Variants in PHTF2 observed in about 807,000 individuals in gnomAD.
PHTF2 encodes the protein protein PHTF2.
A neutral mutation model predicts 101.2 loss-of-function variants in PHTF2; 60 were observed. The ratio of observed to expected loss-of-function variants is 0.59; its 90% CI spans 0.48 to 0.73. The LOEUF is 0.73. Among genes scored for constraint, PHTF2 ranks in the 30% least tolerant of loss-of-function variants. PHTF2 has a pLI of 0.00. For missense variants in PHTF2, 747 were observed against 908.7 expected, an observed-to-expected ratio of 0.82 and a Z score of 2.29; for synonymous variants, 311 against 307.3, an observed-to-expected ratio of 1.01 and a Z score of -0.13.
intron 15 of PHTF2, 69 bp downstream of exon 14, chr7:77,940,728 A>T: frequency 1.8e-6 from 2 of 1,118,666 alleles, no homozygotes; most frequent in Non-Finnish European, 1.3e-6. Context: ...TTCTTTATCA[A>T]TATATATTTG....
At chr7:77,849,847 A>G (rs1378919097) in intron 2 of PHTF2, among the ~76,000 whole-genome samples, 1 of 152,102 alleles carries the variant, frequency 6.6e-6, no homozygotes, top group African/African-American at 2.4e-5. Flanking sequence ...TGATTTTTTT[A>G]TGTTGATTGC....
chr7:77,910,599 A>G (rs911332570), intron 9 of PHTF2, among the ~76,000 whole-genome samples, 190 bp downstream of exon 8: 3 of 152,224 alleles, frequency 2.0e-5, no homozygotes, highest in Non-Finnish European at 2.9e-5. Context: ...TCATGTGTAC[A>G]TACATCTATA....
At chr7:77,943,448 T>A (rs1442472995) in intron 16 of PHTF2, among the ~76,000 whole-genome samples, 2 of 152,068 alleles carry the variant, frequency 1.3e-5, no homozygotes, top group African/African-American at 2.4e-5. Flanking sequence ...TTTTTATACC[T>A]GAATTGTTAC....
chr7:77,806,457 T>G (rs921373898), intron 1 of PHTF2, among the ~76,000 whole-genome samples: 1 of 152,218 alleles, frequency 6.6e-6, no homozygotes, highest in East Asian at 1.9e-4. Flanking sequence ...CTCTGAAATC[T>G]ACTTTGTATA....
At chr7:77,935,307 C>G (rs1016446328) in intron 12 of PHTF2, among the ~76,000 whole-genome samples, 12 of 138,166 alleles carry the variant, frequency 8.7e-5, no homozygotes, top group African/African-American at 3.1e-4. Context: ...ACTTCAAGCT[C>G]TGCCTCCCGG....
At chr7:77,913,549 G>A (rs1802612480) in intron 9 of PHTF2, among the ~76,000 whole-genome samples, 1 of 151,984 alleles carries the variant, frequency 6.6e-6, no homozygotes, top group Non-Finnish European at 1.5e-5. Context: ...ACTTACTTCA[G>A]AAGTCACATG....
chr7:77,895,683 T>C (rs1484749300), intron 5 of PHTF2, among the ~76,000 whole-genome samples: 2 of 152,154 alleles, frequency 1.3e-5, no homozygotes, highest in African/African-American at 4.8e-5. Context: ...AACCTCCTCT[T>C]TTTTAAAAGA....
chr7:77,899,002 A>G (rs757312352), intron 5 of PHTF2, among the ~76,000 whole-genome samples: 6 of 152,050 alleles, frequency 3.9e-5, no homozygotes, highest in Non-Finnish European at 5.9e-5. Flanking sequence ...GGGTTTCACC[A>G]TGTTGGCCAG....
intron 1 of PHTF2, among the ~76,000 whole-genome samples, chr7:77,827,946 A>G (rs1475553801): frequency 1.3e-5 from 2 of 152,138 alleles, no homozygotes; most frequent in Non-Finnish European, 2.9e-5. Flanking sequence ...GCCCAGCCTC[A>G]ATAGTATTTT....
intron 9 of PHTF2, among the ~76,000 whole-genome samples, chr7:77,919,631 CT>C (rs1289998241): frequency 6.6e-6 from 1 of 151,972 alleles, no homozygotes; most frequent in Non-Finnish European, 1.5e-5. Flanking sequence ...AAAATTTATT[CT>C]TATAAATTCC....
At chr7:77,954,903 C>T (rs747482924) in exon 20 of PHTF2, 1 of 1,381,510 alleles carries the variant, frequency 7.2e-7, no homozygotes, top group Non-Finnish European at 1.0e-6. Flanking sequence ...GAAGATGTAG[C>T]CTCTTTTCCA....
At chr7:77,937,672 G>T in intron 12 of PHTF2, 38 bp from the exon 12 acceptor site, 3 of 797,686 alleles carry the variant, frequency 3.8e-6, no homozygotes, top group Admixed American at 7.6e-5. Flanking sequence ...TTTATTAAAT[G>T]TGATCTATAT....
At position 77,915,463 on chromosome 7, in the gene PHTF2, G is replaced by A. The variant is rs770253290; in HGVS notation, c.777-4816G>A. ...CTTGACCTCACGATCCGCCCACCTC[G>A]TCCTCCCAGAGTGCTAGGATTACAG... On this transcript the variant is annotated intron_variant, in intron 9 of 19. Transcript: ENST00000416283. Among the ~76,000 whole-genome samples, 3 of 152,028 alleles carry A rather than the reference G, an allele frequency of 2.0e-5. No individual in the cohort carries two copies. In the South Asian group the frequency reaches 6.2e-4, roughly 32 times the overall value.
At chr7:77,851,267 C>T (rs559352019) in intron 2 of PHTF2, among the ~76,000 whole-genome samples, 13 of 152,248 alleles carry the variant, frequency 8.5e-5, no homozygotes, top group African/African-American at 2.6e-4. Flanking sequence ...CTTTTTATTA[C>T]AGCTTTGATC....
At chr7:77,867,368 C>G (rs1386113109) in intron 3 of PHTF2, among the ~76,000 whole-genome samples, 1 of 152,166 alleles carries the variant, frequency 6.6e-6, no homozygotes, top group African/African-American at 2.4e-5. Context: ...AAGAGCACAG[C>G]TATGGAGCCA....
intron 1 of PHTF2, among the ~76,000 whole-genome samples, chr7:77,829,653 TAAC>T (rs1462559381): frequency 6.6e-6 from 1 of 152,222 alleles, no homozygotes; most frequent in Non-Finnish European, 1.5e-5. Context: ...ATTTGAACCT[TAAC>T]ATTTATTACC....
At chr7:77,831,486 T>C (rs531499029) in intron 1 of PHTF2, among the ~76,000 whole-genome samples, 37 of 152,282 alleles carry the variant, frequency 2.4e-4, no homozygotes, top group African/African-American at 8.7e-4. Context: ...TTTGATGAAA[T>C]AGAGGATATT....
At position 77,922,692 on chromosome 7, in the gene PHTF2, T is replaced by C. The variant is rs1803588237; in HGVS notation, c.1033T>C (p.Ser345Pro). 1 of 1,610,252 alleles carries C rather than the reference T, an allele frequency of 6.2e-7. No individual in the cohort carries two copies. Among genetic ancestry groups the C allele is most frequent in the African/African-American group, 1.3e-5 (1 of 74,882 alleles). Reference sequence around the variant, plus strand: ...TGAGGAAGGTCCTGAAACAGGATACTCATTACGTCGTCATGTGGACAGGAC... The same window carrying C: ...TGAGGAAGGTCCTGAAACAGGATACCCATTACGTCGTCATGTGGACAGGAC... The change falls in exon 11 of 20, where the codon TCA becomes CCA. Residue 345 changes from serine (S) to proline (P), a missense_variant. This residue lies in a region of PHTF2 where 349 missense variants were observed against 369.7 expected (regional missense o/e 0.94). Coordinates refer to ENST00000416283, the Ensembl canonical transcript of PHTF2.
intron 3 of PHTF2, among the ~76,000 whole-genome samples, chr7:77,887,664 C>A (rs931812293): frequency 2.6e-5 from 4 of 152,220 alleles, no homozygotes; most frequent in Admixed American, 6.5e-5. Flanking sequence ...AGGAGTTATT[C>A]TAAGGCATTG....
Sources: allele counts gnomAD v4.1 joint callset (sites outside exome capture counted in the v4.1 genomes callset), GRCh38; gene constraint gnomAD v4.1.1; regional missense constraint gnomAD v4.1.1; transcripts MANE v1.5; gene names NCBI Gene and HGNC (gene_info 2026-07-23, HGNC 2026-07-21).